The following RBFOX1 variants were observed in gnomAD, a reference collection of about 807,000 sequenced individuals.
RBFOX1 encodes the protein RNA binding fox-1 homolog 1.
RBFOX1 carries 8 observed loss-of-function variants against 57.7 expected under a neutral mutation model. The observed-to-expected ratio is 0.14, with a 90% CI of 0.08 to 0.25. RBFOX1 has a LOEUF of 0.25. Among genes scored for constraint, RBFOX1 ranks in the 10% least tolerant of loss-of-function variants. The pLI is 1.00. For synonymous variants in RBFOX1, 326 were observed against 222.4 expected (o/e 1.47, Z -4.15); for missense variants, 611 against 548.5 (o/e 1.11, Z -1.14).
At chr16:7,597,513 A>T (rs2094767586) in intron 9 of RBFOX1, 82 bp downstream of exon 9, 1 of 1,293,506 alleles carries the variant, frequency 7.7e-7, no homozygotes, top group African/African-American at 1.5e-5. Flanking sequence ...CTATTACAAC[A>T]AGCTGTGTTT....
At chr16:5,557,527 A>G (rs1177809916) in intron 2 of RBFOX1, among the ~76,000 whole-genome samples, 1 of 152,136 alleles carries the variant, frequency 6.6e-6, no homozygotes, top group African/African-American at 2.4e-5. Context: ...GGTGACTGTG[A>G]TGGGGAGCAG....
chr16:7,710,520 C>T (rs771883012), intron 15 of RBFOX1, 103 bp from the exon 16 acceptor site: 40 of 1,570,362 alleles, frequency 2.5e-5, no homozygotes, highest in African/African-American at 4.2e-5. Flanking sequence ...GCCTCCATTT[C>T]GGTTGGTTTT....
chr16:7,185,866 C>T (rs150761168), intron 4 of RBFOX1, among the ~76,000 whole-genome samples: 1 of 152,222 alleles, frequency 6.6e-6, no homozygotes, highest in Non-Finnish European at 1.5e-5. Flanking sequence ...CATTTTATCC[C>T]TAGATAACAA....
At chr16:6,427,394 G>A (rs759847435) in intron 2 of RBFOX1, among the ~76,000 whole-genome samples, 3 of 152,192 alleles carry the variant, frequency 2.0e-5, no homozygotes, top group Admixed American at 6.5e-5. Flanking sequence ...AATATGGCTG[G>A]TGGTACAGGG....
chr16:6,052,463 C>G (rs913991078), intron 1 of RBFOX1, among the ~76,000 whole-genome samples: 2 of 152,074 alleles, frequency 1.3e-5, no homozygotes, highest in Non-Finnish European at 2.9e-5. Context: ...CCTTGGTATC[C>G]TAATCTGTAA....
chr16:7,363,265 C>T (rs1461795492), intron 4 of RBFOX1, among the ~76,000 whole-genome samples: 7 of 152,154 alleles, frequency 4.6e-5, no homozygotes, highest in Admixed American at 4.6e-4. Flanking sequence ...GGGGGAAAAC[C>T]TCCAGATAAA....
intron 4 of RBFOX1, among the ~76,000 whole-genome samples, chr16:7,295,852 T>A (rs1236006308): frequency 6.6e-6 from 1 of 152,180 alleles, no homozygotes; most frequent in East Asian, 1.9e-4. Flanking sequence ...TTCAATTCAT[T>A]TGACCTTTAT....
intron 4 of RBFOX1, among the ~76,000 whole-genome samples, chr16:7,374,486 ACT>A (rs1184940711): frequency 2.0e-4 from 31 of 152,112 alleles, no homozygotes; most frequent in African/African-American, 7.5e-4. Context: ...TATCCAGCAG[ACT>A]CTAGCCTTAA....
intron 3 of RBFOX1, among the ~76,000 whole-genome samples, chr16:6,836,644 C>A (rs974227229): frequency 3.3e-5 from 5 of 152,160 alleles, no homozygotes; most frequent in African/African-American, 1.2e-4. Context: ...ACTTTCACCC[C>A]GCTTCGGGGG....
Position 6,998,979 on chromosome 16 carries a change from G to C in RBFOX1, c.-15-53078G>C, listed in dbSNP as rs939685288. The stretch of plus-strand genomic sequence containing the variant: ...CGCCTCCCAGGTTCAAGCGATTCTC[G>C]TGCCTCGGCATCCTGAGTAGCTGGA... On this transcript the variant is annotated intron_variant, in intron 3 of 15. Transcript: ENST00000550418. Among the ~76,000 whole-genome samples the C allele has an allele frequency of 3.3e-5, 5 of 151,044 alleles. No homozygotes were observed. The South Asian group carries it at 8.4e-4, about 25-fold the overall frequency.
intron 2 of RBFOX1, among the ~76,000 whole-genome samples, chr16:6,457,349 A>C (rs115867621): frequency 5.4e-4 from 82 of 152,116 alleles, no homozygotes; most frequent in African/African-American, 2.0e-3. Context: ...TGATAGACTC[A>C]AGAAGTACTC....
At chr16:6,445,907 TC>T (rs2094475553) in intron 2 of RBFOX1, among the ~76,000 whole-genome samples, 1 of 151,882 alleles carries the variant, frequency 6.6e-6, no homozygotes, top group Non-Finnish European at 1.5e-5. Context: ...AAGGTGAGGC[TC>T]ATTTGATTCA....
intron 1 of RBFOX1, among the ~76,000 whole-genome samples, chr16:5,253,646 GA>G (rs1308820792): frequency 4.6e-5 from 7 of 152,198 alleles, no homozygotes; most frequent in African/African-American, 1.7e-4. Flanking sequence ...GTGCTTTTAG[GA>G]GATAGTTTCT....
intron 3 of RBFOX1, among the ~76,000 whole-genome samples, chr16:6,991,774 C>G (rs552625302): frequency 3.3e-5 from 5 of 152,212 alleles, no homozygotes; most frequent in African/African-American, 9.6e-5. Context: ...TGAGCCCAAG[C>G]AATCTGCCTG....
intron 6 of RBFOX1, among the ~76,000 whole-genome samples, chr16:7,581,562 C>T (rs1388787794): frequency 3.9e-5 from 6 of 152,088 alleles, no homozygotes; most frequent in Non-Finnish European, 7.3e-5. Context: ...GGCTACAATG[C>T]TAAGTCATAG....
chr16:6,189,461 G>A (rs998121690), intron 1 of RBFOX1, among the ~76,000 whole-genome samples: 1 of 152,202 alleles, frequency 6.6e-6, no homozygotes, highest in Admixed American at 6.5e-5. Context: ...GGTTGCCGGG[G>A]CTAATTGCTA....
At chr16:6,464,818 A>G (rs73540088) in intron 2 of RBFOX1, among the ~76,000 whole-genome samples, 1,961 of 152,316 alleles carry the variant, frequency 0.013, 34 homozygotes, top group African/African-American at 0.035. Flanking sequence ...CCTTCCTGCA[A>G]TGTTTAAGCC....
In RBFOX1 at chr16:7,128,813, T is replaced by C. The variant is rs2069345568; in HGVS notation, c.27+76715T>C. Among the ~76,000 whole-genome samples the C allele has an allele frequency of 3.1e-5, 4 of 129,452 alleles. No individual in the cohort carries two copies. The South Asian group carries it at 1.0e-3, about 33-fold the overall frequency. The allele number at this position is 129,452 out of a possible 152,430, so 84.9% of individuals were successfully genotyped here. On this transcript the variant is annotated intron_variant, in intron 4 of 15. Transcript: ENST00000550418. ...TGACATAATGGTAACTTTTTTTTCT[T>C]TTTACTTTTTTTTTTTTTTTTTTTT...
intron 1 of RBFOX1, among the ~76,000 whole-genome samples, chr16:6,115,448 A>G (rs991503618): frequency 1.8e-4 from 28 of 152,182 alleles, no homozygotes; most frequent in African/African-American, 6.8e-4. Context: ...AGTAGTGAGG[A>G]TGTCTTAACA....
Sources: allele counts gnomAD v4.1 joint callset (sites outside exome capture counted in the v4.1 genomes callset), GRCh38; gene constraint gnomAD v4.1.1; transcripts MANE v1.5; gene names NCBI Gene and HGNC (gene_info 2026-07-23, HGNC 2026-07-21).